Variants in RGS7 observed in about 807,000 individuals in gnomAD.
RGS7 encodes the protein regulator of G-protein signaling 7.
RGS7 carries 27 observed loss-of-function variants against 81.1 expected under a neutral mutation model. That is an observed-to-expected ratio of 0.33 (90% confidence interval 0.25 to 0.46). The LOEUF is 0.46. Among genes scored for constraint, RGS7 ranks in the 20% least tolerant of loss-of-function variants. The pLI, the probability that RGS7 is intolerant of heterozygous loss-of-function variation, is 1.00. For missense variants in RGS7, 396 were observed against 607.4 expected (o/e 0.65, Z 3.66); for synonymous variants, 208 against 207.7 (o/e 1.00, Z -0.01).
At chr1:240,902,159 T>TA (rs1247029275) in intron 6 of RGS7, among the ~76,000 whole-genome samples, 1 of 152,186 alleles carries the variant, frequency 6.6e-6, no homozygotes, top group African/African-American at 2.4e-5. Flanking sequence ...TGCAAACTAC[T>TA]AAAACCATCA....
intron 2 of RGS7, among the ~76,000 whole-genome samples, chr1:241,130,778 G>T (rs1175612538): frequency 6.7e-6 from 1 of 148,214 alleles, no homozygotes; most frequent in South Asian, 2.1e-4. Context: ...TCTAAGGATT[G>T]GATTTGGTGT....
intron 9 of RGS7, among the ~76,000 whole-genome samples, chr1:240,858,751 AT>A (rs1381030553): frequency 2.0e-5 from 3 of 152,046 alleles, no homozygotes; most frequent in Admixed American, 6.5e-5. Context: ...TGGATATATG[AT>A]TTTTTTCTTT....
intron 3 of RGS7, among the ~76,000 whole-genome samples, chr1:241,056,469 G>A (rs1049294959): frequency 2.0e-5 from 3 of 152,098 alleles, no homozygotes; most frequent in Non-Finnish European, 2.9e-5. Context: ...CGAGTTCAGG[G>A]ACCACATTTC....
chr1:241,181,127 G>C (rs2071579639), intron 2 of RGS7, among the ~76,000 whole-genome samples: 1 of 152,212 alleles, frequency 6.6e-6, no homozygotes, highest in African/African-American at 2.4e-5. Context: ...TTCTATAACG[G>C]TGGACACACG....
At chr1:241,137,020 T>C (rs2067570727) in intron 2 of RGS7, among the ~76,000 whole-genome samples, 1 of 152,278 alleles carries the variant, frequency 6.6e-6, no homozygotes, top group Middle Eastern at 3.4e-3. Flanking sequence ...GTGCATTACA[T>C]TCAGCTGCTG....
At chr1:241,004,309 T>C (rs570730816) in intron 3 of RGS7, among the ~76,000 whole-genome samples, 11 of 152,136 alleles carry the variant, frequency 7.2e-5, no homozygotes, top group Non-Finnish European at 1.3e-4. Context: ...TCTCTCCTTT[T>C]GTTCATTCCA....
At chr1:241,314,453 C>A (rs2080743427) in intron 2 of RGS7, among the ~76,000 whole-genome samples, 1 of 152,108 alleles carries the variant, frequency 6.6e-6, no homozygotes, top group Admixed American at 6.5e-5. Flanking sequence ...GTTTTTTTAG[C>A]CATAATGTTC....
At chr1:241,214,969 CAT>C (rs1193210275) in intron 2 of RGS7, among the ~76,000 whole-genome samples, 6 of 152,078 alleles carry the variant, frequency 3.9e-5, no homozygotes, top group Non-Finnish European at 7.4e-5. Flanking sequence ...ATGTGCTTAT[CAT>C]AGTTAATTTA....
chr1:241,015,816 T>C (rs898147615), intron 3 of RGS7, among the ~76,000 whole-genome samples: 6 of 152,184 alleles, frequency 3.9e-5, no homozygotes, highest in African/African-American at 1.4e-4. Flanking sequence ...TAAGATAATA[T>C]CTATTATAAG....
chr1:241,063,004 TCA>T (rs943387100), intron 3 of RGS7, among the ~76,000 whole-genome samples: 1 of 152,200 alleles, frequency 6.6e-6, no homozygotes, highest in Non-Finnish European at 1.5e-5. Flanking sequence ...TCCACTGAAT[TCA>T]CACACACACG....
chr1:241,031,828 TTTTC>T (rs1221095576), intron 3 of RGS7, among the ~76,000 whole-genome samples: 2 of 147,782 alleles, frequency 1.4e-5, no homozygotes, highest in Non-Finnish European at 3.0e-5. Context: ...GGGTTATTTG[TTTTC>T]TTTGTCATCG....
At chr1:241,123,345 T>C (rs903680095) in intron 2 of RGS7, among the ~76,000 whole-genome samples, 4 of 152,214 alleles carry the variant, frequency 2.6e-5, no homozygotes, top group African/African-American at 9.7e-5. Context: ...CAGGCAGTTA[T>C]GGCTGGGTGA....
chr1:240,863,734 A>G (rs1347982703), intron 9 of RGS7, among the ~76,000 whole-genome samples: 3 of 152,134 alleles, frequency 2.0e-5, no homozygotes, highest in African/African-American at 4.8e-5. Flanking sequence ...ACTTTTAAAA[A>G]CAGCAAAAGG....
At chr1:240,872,288 T>G (rs556813035) in intron 6 of RGS7, among the ~76,000 whole-genome samples, 2 of 152,212 alleles carry the variant, frequency 1.3e-5, no homozygotes, top group South Asian at 4.1e-4. Context: ...TACTTGATTC[T>G]TTGGTATAAA....
intron 4 of RGS7, among the ~76,000 whole-genome samples, chr1:240,948,012 G>A (rs952604873): frequency 6.6e-6 from 1 of 152,158 alleles, no homozygotes; most frequent in East Asian, 1.9e-4. Flanking sequence ...CCAGAGAGCA[G>A]AACACCCCAC....
chr1:240,866,920 C>T (rs975213923), intron 9 of RGS7, among the ~76,000 whole-genome samples: 3 of 151,998 alleles, frequency 2.0e-5, no homozygotes, highest in African/African-American at 7.3e-5. Context: ...GGAAGCTAAA[C>T]GAGGCTAGAG....
chr1:241,276,071 A>G (rs1179787076), intron 2 of RGS7, among the ~76,000 whole-genome samples: 2 of 152,216 alleles, frequency 1.3e-5, no homozygotes, highest in Admixed American at 1.3e-4. Context: ...AGGGCATCCA[A>G]TTATATTTAT....
intron 9 of RGS7, among the ~76,000 whole-genome samples, chr1:240,839,283 T>C (rs760843130): frequency 6.6e-6 from 1 of 152,328 alleles, no homozygotes; most frequent in South Asian, 2.1e-4. Flanking sequence ...ACTATACAAA[T>C]GCTCCTTTGC....
At chr1:240,958,364 A>C (rs905777214) in intron 4 of RGS7, among the ~76,000 whole-genome samples, 1 of 152,194 alleles carries the variant, frequency 6.6e-6, no homozygotes, top group Non-Finnish European at 1.5e-5. Context: ...CATTCTCCAA[A>C]TCTGGAGACT....
Sources: allele counts gnomAD v4.1 joint callset (sites outside exome capture counted in the v4.1 genomes callset), GRCh38; gene constraint gnomAD v4.1.1; transcripts MANE v1.5; gene names NCBI Gene and HGNC (gene_info 2026-07-23, HGNC 2026-07-21).